IGF1R: variants seen among roughly 807,000 people sequenced by gnomAD.
IGF1R encodes insulin like growth factor 1 receptor.
Under a neutral mutation model 144.6 loss-of-function variants are expected in IGF1R, and 44 were observed. The observed-to-expected ratio is 0.30, with a 90% confidence interval of 0.24 to 0.39. IGF1R has a LOEUF of 0.39. Ranked by LOEUF, IGF1R falls within the 10% of genes least tolerant of loss-of-function variation. The pLI is 1.00. For missense variants in IGF1R, 1,355 were observed against 1,833.7 expected, an observed-to-expected ratio of 0.74 and a Z score of 4.77; for synonymous variants, 795 against 722.8, an observed-to-expected ratio of 1.10 and a Z score of -1.60.
At chr15:98,711,758 G>T (rs191330058) in intron 2 of IGF1R, among the ~76,000 whole-genome samples, 25 of 152,144 alleles carry the variant, frequency 1.6e-4, no homozygotes, top group African/African-American at 5.3e-4. Flanking sequence ...TTTAACGGTG[G>T]TCTCCTGACA....
At chr15:98,760,533 T>A (rs1051954931) in intron 2 of IGF1R, among the ~76,000 whole-genome samples, 2 of 152,248 alleles carry the variant, frequency 1.3e-5, no homozygotes, top group Non-Finnish European at 2.9e-5. Context: ...ACTGTGAGAC[T>A]TGAACATTTT....
chr15:98,767,217 T>G (rs1159300931), intron 2 of IGF1R, among the ~76,000 whole-genome samples: 2 of 152,214 alleles, frequency 1.3e-5, no homozygotes, highest in Non-Finnish European at 1.5e-5. Flanking sequence ...GTAAGCGTAC[T>G]GGGGGATGAG....
intron 13 of IGF1R, among the ~76,000 whole-genome samples, chr15:98,926,613 C>T (rs1194955529): frequency 6.6e-6 from 1 of 152,114 alleles, no homozygotes; most frequent in Non-Finnish European, 1.5e-5. Flanking sequence ...AAAAAGATCT[C>T]CAGTAGTCAC....
chr15:98,689,558 T>G (rs1013719344), intron 1 of IGF1R, among the ~76,000 whole-genome samples: 2 of 151,902 alleles, frequency 1.3e-5, no homozygotes, highest in South Asian at 4.1e-4. Flanking sequence ...TAGATGCCAT[T>G]GTTGAGGATC....
intron 2 of IGF1R, among the ~76,000 whole-genome samples, chr15:98,734,227 A>G (rs1367094617): frequency 1.3e-5 from 2 of 152,188 alleles, no homozygotes; most frequent in African/African-American, 4.8e-5. Flanking sequence ...AATACCAGGT[A>G]TTCTCGTTTA....
chr15:98,657,498 C>CT (rs1262452651), intron 1 of IGF1R, among the ~76,000 whole-genome samples: 1 of 152,328 alleles, frequency 6.6e-6, no homozygotes, highest in East Asian at 1.9e-4. Flanking sequence ...TGGGATAATA[C>CT]ACAAGCTTAC....
intron 9 of IGF1R, 139 bp downstream of exon 9, chr15:98,916,270 T>C: frequency 1.1e-6 from 1 of 882,720 alleles, no homozygotes. Context: ...GGTTTTTTTT[T>C]TTTTTTTTTG....
intron 1 of IGF1R, among the ~76,000 whole-genome samples, chr15:98,676,520 A>G (rs1250984886): frequency 3.9e-5 from 6 of 152,102 alleles, no homozygotes; most frequent in South Asian, 2.1e-4. Flanking sequence ...CTGTAGCTTC[A>G]TTATACATGT....
chr15:98,953,684 C>T (rs1005858249), intron 20 of IGF1R, among the ~76,000 whole-genome samples: 2 of 152,180 alleles, frequency 1.3e-5, no homozygotes, highest in South Asian at 4.1e-4. Flanking sequence ...CAGACTGTTG[C>T]CAGAGACGTC....
chr15:98,760,950 G>A (rs1279142904), intron 2 of IGF1R, among the ~76,000 whole-genome samples: 2 of 152,270 alleles, frequency 1.3e-5, no homozygotes, highest in African/African-American at 4.8e-5. Flanking sequence ...GCATTTCAAA[G>A]TGACATATAT....
chr15:98,846,537 G>T (rs1170539441), intron 2 of IGF1R, among the ~76,000 whole-genome samples: 1 of 152,194 alleles, frequency 6.6e-6, no homozygotes, highest in African/African-American at 2.4e-5. Flanking sequence ...CAAGTTGGGT[G>T]ACTTCGGGAT....
chr15:98,676,215 C>T (rs1247296164), intron 1 of IGF1R, among the ~76,000 whole-genome samples: 2 of 151,916 alleles, frequency 1.3e-5, no homozygotes, highest in African/African-American at 2.4e-5. Flanking sequence ...ATCTCGGCTC[C>T]CTGCAACCTC....
chr15:98,893,256 A>T (rs915090804), intron 3 of IGF1R, among the ~76,000 whole-genome samples: 2 of 152,366 alleles, frequency 1.3e-5, no homozygotes, highest in South Asian at 4.1e-4. Context: ...CTTCTACTGT[A>T]GGCTTACCTT....
chr15:98,884,683 CAAAAAA>C (rs35707888), intron 2 of IGF1R, among the ~76,000 whole-genome samples: 5 of 80,230 alleles, frequency 6.2e-5, no homozygotes, highest in South Asian at 4.8e-4. Context: ...CACTCCGTCT[CAAAAAA>C]AAAAAAAAAA....
chr15:98,703,084 T>C (rs1211591282), intron 1 of IGF1R, among the ~76,000 whole-genome samples: 1 of 152,162 alleles, frequency 6.6e-6, no homozygotes, highest in East Asian at 1.9e-4. Context: ...TCTCTGGCTT[T>C]GGGGACTTTG....
At chr15:98,773,627 T>G (rs2055645325) in intron 2 of IGF1R, among the ~76,000 whole-genome samples, 1 of 152,152 alleles carries the variant, frequency 6.6e-6, no homozygotes, top group African/African-American at 2.4e-5. Context: ...TGAGTGAAAT[T>G]AACCCCAACT....
intron 2 of IGF1R, among the ~76,000 whole-genome samples, chr15:98,888,154 C>G (rs1379040056): frequency 1.3e-5 from 2 of 152,236 alleles, no homozygotes; most frequent in Admixed American, 1.3e-4. Context: ...GGCAGCTCCA[C>G]TCACTCCCGT....
At chr15:98,924,084 A>C (rs1247759251) in intron 12 of IGF1R, 72 bp downstream of exon 12, 2 of 1,410,866 alleles carry the variant, frequency 1.4e-6, no homozygotes, top group Admixed American at 3.3e-5. Flanking sequence ...CTGACTGCAC[A>C]GGTTACCTCC....
chr15:98,939,896 C>T (rs2016302649), intron 18 of IGF1R, among the ~76,000 whole-genome samples: 1 of 152,280 alleles, frequency 6.6e-6, no homozygotes, highest in South Asian at 2.1e-4. Context: ...CTGGGTTTCA[C>T]GGCTGGGGCT....
Sources: gnomAD v4.1 joint callset for allele counts (sites outside exome capture counted in the v4.1 genomes callset) on GRCh38, gnomAD v4.1.1 for gene constraint, MANE v1.5 for transcripts, NCBI Gene and HGNC (gene_info 2026-07-23, HGNC 2026-07-21) for gene names.